GAREM2: variants seen among roughly 807,000 people sequenced by gnomAD.
The protein encoded by GAREM2 is GRB2-associated and regulator of MAPK protein 2.
A neutral mutation model predicts 55.6 loss-of-function variants in GAREM2; 30 were observed. The ratio of observed to expected loss-of-function variants is 0.54; its 90% confidence interval spans 0.40 to 0.73. GAREM2 has a LOEUF of 0.73. Among genes scored for constraint, GAREM2 ranks in the 30% least tolerant of loss-of-function variants. GAREM2 has a pLI of 0.00. For missense variants in GAREM2, 1,075 were observed against 1,257.7 expected, an observed-to-expected ratio of 0.85 and a Z score of 2.20; for synonymous variants, 550 against 569.1, an observed-to-expected ratio of 0.97 and a Z score of 0.48.
At position 26,182,271 on chromosome 2, in the gene GAREM2, C is replaced by T. The variant is rs1010849822; in HGVS notation, c.254-696C>T. 4 of 1,431,396 alleles carry T rather than the reference C, an allele frequency of 2.8e-6. No individual in the cohort carries two copies. In the African/African-American group the frequency reaches 5.8e-5, roughly 21 times the overall value. The allele number at this position is 1,431,396 out of a possible 1,614,324, so 88.7% of individuals were successfully genotyped here. On this transcript the variant is annotated intron_variant, in intron 2 of 5. Coordinates refer to ENST00000401533, the MANE Select transcript of GAREM2 (RefSeq NM_001168241.2). ...TGGCAAAGCACGCAGCCCCAGACTG[C>T]AGGTTGGGAAGGCCTACTCTCAGGG...
the GAREM2 span, among the ~76,000 whole-genome samples, chr2:26,197,342 C>T: frequency 1.3e-5 from 2 of 152,204 alleles, no homozygotes; most frequent in South Asian, 4.1e-4. Context: ...GGAACCAAAC[C>T]TGTTCTAAAC....
chr2:26,177,044 G>C (rs1558304527), intron 2 of GAREM2, among the ~76,000 whole-genome samples: 1 of 152,142 alleles, frequency 6.6e-6, no homozygotes, highest in Non-Finnish European at 1.5e-5. Flanking sequence ...ACCTTTATTA[G>C]TTTTATACGT....
the GAREM2 span, among the ~76,000 whole-genome samples, chr2:26,198,847 C>G: frequency 6.6e-6 from 1 of 151,494 alleles, no homozygotes; most frequent in Non-Finnish European, 1.5e-5. Flanking sequence ...GCCAGGAGTT[C>G]AAGACCAACC....
At chr2:26,191,180 A>G, downstream of GAREM2, 1 of 1,457,736 alleles carries the variant, frequency 6.9e-7, no homozygotes, top group Non-Finnish European at 9.6e-7. Context: ...TCTAGACACC[A>G]CTCTGTTGGA....
Position 26,187,995 on chromosome 2 carries a change from G to A in GAREM2, c.2363G>A (p.Gly788Glu). The A allele has an allele frequency of 6.8e-7, 1 of 1,473,432 alleles. No individual in the cohort carries two copies. The highest frequency in any genetic ancestry group is 9.0e-7 in the Non-Finnish European group (1 of 1,106,248). The allele number at this position is 1,473,432 out of a possible 1,614,324, so 91.3% of individuals were successfully genotyped here. ...GGGCCTCCTGCCAGTCCCCGGGATG[G>A]AGCCACAGGCTTTGGAGTCCGAGAT... ...LEGPPASPRD[G>E]ATGFGVRDAS... The change falls in exon 6 of 6, where the codon GGA (glycine) becomes GAA (glutamate). Residue 788 changes from glycine (G) to glutamate (E), a missense_variant. Coordinates refer to ENST00000401533, the MANE Select transcript of GAREM2 (RefSeq NM_001168241.2).
chr2:26,173,438 C>T, intron 1 of GAREM2, 106 bp downstream of exon 1: 1 of 551,966 alleles, frequency 1.8e-6, no homozygotes, highest in Non-Finnish European at 2.7e-6. Context: ...CGCACCCTCC[C>T]AGCTCCCCGG....
At chr2:26,185,349 C>A (rs1669215082) in intron 4 of GAREM2, 73 bp downstream of exon 4, 4 of 1,417,910 alleles carry the variant, frequency 2.8e-6, no homozygotes, top group Non-Finnish European at 3.7e-6. Flanking sequence ...GGCCCCGGCC[C>A]CGGAGTATGT....
intron 2 of GAREM2, among the ~76,000 whole-genome samples, chr2:26,180,230 C>T (rs1232421926): frequency 2.0e-5 from 3 of 152,180 alleles, no homozygotes; most frequent in Admixed American, 2.0e-4. Flanking sequence ...ACCTCTGCTC[C>T]TCTAACCCTG....
chr2:26,191,559 T>C (rs1669504128), downstream of GAREM2: 6 of 1,614,116 alleles, frequency 3.7e-6, no homozygotes, highest in South Asian at 5.5e-5. Flanking sequence ...AGATCCCCTC[T>C]TGCAGGCACA....
chr2:26,182,125 T>G (rs768388268), intron 2 of GAREM2: 71 of 1,152,660 alleles, frequency 6.2e-5, no homozygotes, highest in Non-Finnish European at 7.4e-5. Flanking sequence ...TGTGCTCATG[T>G]GGGTATGCAT....
Position 26,188,071 on chromosome 2 carries a change from G to C in GAREM2, c.2439G>C (p.Glu813Asp). ...PADLSALSLE[E>D]VSRSLRFIGL... The stretch of plus-strand genomic sequence containing the variant: ...ACCTGTCTGCACTCTCCCTGGAGGA[G>C]GTCTCTCGCAGTCTGCGTTTCATCG... The change falls in exon 6 of 6, where the codon GAG becomes GAC. Residue 813 changes from glutamate (E) to aspartate (D), a missense_variant. Coordinates refer to ENST00000401533, the MANE Select transcript of GAREM2 (RefSeq NM_001168241.2). 1 of 1,547,034 alleles carries C rather than the reference G, an allele frequency of 6.5e-7. No individual in the cohort carries two copies. Among genetic ancestry groups the C allele is most frequent in the Non-Finnish European group, 8.7e-7 (1 of 1,144,198 alleles).
intron 5 of GAREM2, 50 bp downstream of exon 5, chr2:26,186,408 G>T (rs1669261093): frequency 6.6e-7 from 1 of 1,518,610 alleles, no homozygotes. Flanking sequence ...GATCAAGGCA[G>T]GGAAGGGTGA....
chr2:26,204,082 T>C, the GAREM2 span: 1 of 1,614,032 alleles, frequency 6.2e-7, no homozygotes, highest in Non-Finnish European at 8.5e-7. Context: ...CTTGTTGCTG[T>C]CCTCGGTCTA....
chr2:26,195,290 CAT>C, the GAREM2 span: 1 of 1,400,490 alleles, frequency 7.1e-7, no homozygotes, highest in African/African-American at 1.4e-5. Context: ...AACCTGAGAG[CAT>C]TCCTTCTCTG....
the GAREM2 span, chr2:26,194,725 T>A: frequency 1.1e-6 from 1 of 880,584 alleles, no homozygotes; most frequent in Non-Finnish European, 1.9e-6. Context: ...CACTTCAAAG[T>A]CATTTGAAAG....
chr2:26,191,376 A>C, downstream of GAREM2: 3 of 1,614,212 alleles, frequency 1.9e-6, no homozygotes, highest in Non-Finnish European at 2.5e-6. Flanking sequence ...CGCCATACAG[A>C]TCCACAAAGC....
intron 3 of GAREM2, 108 bp downstream of exon 3, chr2:26,183,205 C>T (rs757301072): frequency 4.0e-6 from 5 of 1,263,730 alleles, no homozygotes; most frequent in Non-Finnish European, 5.5e-6. Context: ...AGGAGAGCGG[C>T]TCCTGGGGAC....
At chr2:26,174,077 C>CAA (rs2147716954) in intron 1 of GAREM2, among the ~76,000 whole-genome samples, 1 of 149,956 alleles carries the variant, frequency 6.7e-6, no homozygotes, top group South Asian at 2.1e-4. Context: ...GGGCGGTAGC[C>CAA]GGGGCTGGCA....
At position 26,184,691 on chromosome 2, in the gene GAREM2, C is replaced by T. The variant is rs1286394432; in HGVS notation, c.843C>T (p.His281=). The change falls in exon 4 of 6, where the codon CAC becomes CAT. Residue 281 remains histidine (H), a synonymous_variant. Transcript: ENST00000401533. ...CGCCGCGCAACCCCTACGACCTGCA[C>T]CCGGTGCGGGAGGGTCATTGCTACA... ...SRPPRNPYDL[H]PVREGHCYKL... 6.5e-7 allele frequency: 1 copy of T among 1,541,664 alleles called. No homozygotes were observed. Among genetic ancestry groups the T allele is most frequent in the Non-Finnish European group, 8.7e-7 (1 of 1,143,972 alleles).
Sources: gnomAD v4.1 joint callset for allele counts (sites outside exome capture counted in the v4.1 genomes callset) on GRCh38, gnomAD v4.1.1 for gene constraint, MANE v1.5 for transcripts, NCBI Gene and HGNC (gene_info 2026-07-23, HGNC 2026-07-21) for gene names.